SRPK2: variants seen among roughly 807,000 people sequenced by gnomAD.
SRPK2 encodes SRSF protein kinase 2.
In SRPK2, 21 loss-of-function variants were observed where a neutral mutation model predicts 90.8. The observed-to-expected ratio is 0.23, with a 90% CI of 0.16 to 0.33. The LOEUF (loss-of-function observed/expected upper bound fraction) is 0.33. SRPK2 is among the 10% of genes least tolerant of loss of function. The probability of loss-of-function intolerance (pLI) is 1.00; values close to 1 mark genes in which losing one functional copy is unlikely to be tolerated. For synonymous variants in SRPK2, 288 were observed against 311.1 expected, an observed-to-expected ratio of 0.93 and a Z score of 0.78; for missense variants, 620 against 869.0, an observed-to-expected ratio of 0.71 and a Z score of 3.60.
chr7:105,167,964 G>A, intron 5 of SRPK2, 44 bp downstream of exon 5: 1 of 1,462,430 alleles, frequency 6.8e-7, no homozygotes, highest in South Asian at 1.3e-5. Context: ...AAAATTTTAA[G>A]TCATTAAGTT....
intron 2 of SRPK2, among the ~76,000 whole-genome samples, chr7:105,368,313 G>A (rs1395741886): frequency 6.6e-6 from 1 of 152,158 alleles, no homozygotes; most frequent in African/African-American, 2.4e-5. Context: ...AGATGCACAT[G>A]ATAAAACCGT....
chr7:105,176,169 G>C (rs1791815647), intron 3 of SRPK2, among the ~76,000 whole-genome samples: 1 of 152,168 alleles, frequency 6.6e-6, no homozygotes, highest in South Asian at 2.1e-4. Context: ...ACTTGGGTCA[G>C]TATTCAAAAT....
At chr7:105,387,915 G>C (rs573446286) in intron 2 of SRPK2, among the ~76,000 whole-genome samples, 2 of 152,164 alleles carry the variant, frequency 1.3e-5, no homozygotes, top group East Asian at 1.9e-4. Context: ...TGGCCGCCAC[G>C]GGCGCGTTTT....
At chr7:105,360,725 C>T (rs1046126128) in intron 2 of SRPK2, among the ~76,000 whole-genome samples, 2 of 152,098 alleles carry the variant, frequency 1.3e-5, no homozygotes, top group East Asian at 1.9e-4. Flanking sequence ...GGGTTTCTGC[C>T]GAGAGATCCG....
chr7:105,271,717 T>C (rs1008743728), intron 2 of SRPK2, among the ~76,000 whole-genome samples: 17 of 152,204 alleles, frequency 1.1e-4, no homozygotes, highest in African/African-American at 4.1e-4. Context: ...CCTCTACCTC[T>C]TGAGCCATCC....
Position 105,279,299 on chromosome 7 carries a change from T to TTCCAAGGA in SRPK2, c.72-75515_72-75514insTCCTTGGA, listed in dbSNP as rs1362895455. Among the ~76,000 whole-genome samples, 30 of 51,456 alleles carry TTCCAAGGA rather than the reference T, an allele frequency of 5.8e-4. 1 individual carries two copies. The highest frequency in any genetic ancestry group is 1.4e-3 in the Admixed American group (7 of 4,954). The allele number at this position is 51,456 out of a possible 152,430, so 33.8% of individuals were successfully genotyped here. On this transcript the variant is annotated intron_variant, in intron 2 of 15. Transcript: ENST00000393651. The stretch of plus-strand genomic sequence containing the variant: ...AGGCTGGTTAGGTTTCTGATTTAGA[T>TTCCAAGGA]AGCTGCTGCTACTACTTATGAGAAA...
chr7:105,287,273 AAAAAAAAAAAAG>A (rs1343137409), intron 2 of SRPK2, among the ~76,000 whole-genome samples: 13 of 134,922 alleles, frequency 9.6e-5, no homozygotes, highest in African/African-American at 3.7e-4. Flanking sequence ...AAAAAAAAAA[AAAAAAAAAAAAG>A]AAGAAAAGGA....
rs201026064 is a variant in SRPK2, at chr7:105,353,350, G to GT, written c.71+35297dup. Among the ~76,000 whole-genome samples, 469 of 150,856 alleles carry GT rather than the reference G, an allele frequency of 3.1e-3. 4 individuals carry two copies. The highest frequency in any genetic ancestry group is 8.1e-3 in the African/African-American group (335 of 41,120). On this transcript the variant is annotated intron_variant, in intron 2 of 15. Coordinates refer to ENST00000393651, the MANE Select transcript of SRPK2 (RefSeq NM_182692.3). ...CCAGGTAATGGTTTTGTTTTTTTGT[G>GT]TTTTTTTTTGAAACAGTCTCCCTCT... is the stretch of plus-strand genomic sequence containing the variant.
chr7:105,229,809 G>C (rs1261349475), intron 2 of SRPK2, among the ~76,000 whole-genome samples: 1 of 151,950 alleles, frequency 6.6e-6, no homozygotes, highest in Non-Finnish European at 1.5e-5. Context: ...GGCAGTGGGT[G>C]GGGGGGAATG....
At chr7:105,191,449 T>C (rs1794268362) in intron 3 of SRPK2, among the ~76,000 whole-genome samples, 1 of 152,126 alleles carries the variant, frequency 6.6e-6, no homozygotes, top group Admixed American at 6.5e-5. Flanking sequence ...TGCAGACCTG[T>C]AGTCCCAGCT....
At chr7:105,297,834 T>G (rs1234794011) in intron 2 of SRPK2, among the ~76,000 whole-genome samples, 1 of 150,098 alleles carries the variant, frequency 6.7e-6, no homozygotes, top group Non-Finnish European at 1.5e-5. Flanking sequence ...CTCCACCTCC[T>G]GGGTTCAAGC....
intron 2 of SRPK2, among the ~76,000 whole-genome samples, chr7:105,317,259 T>C (rs1416343020): frequency 6.6e-6 from 1 of 152,248 alleles, no homozygotes; most frequent in Non-Finnish European, 1.5e-5. Flanking sequence ...CAAGCTGTAC[T>C]AGCAGTCCTT....
chr7:105,146,461 A>G, intron 8 of SRPK2, 32 bp downstream of exon 8: 1 of 1,610,336 alleles, frequency 6.2e-7, no homozygotes, highest in Non-Finnish European at 8.5e-7. Context: ...CAATGCCCCC[A>G]CACTGAAATG....
At chr7:105,320,712 T>C (rs1422569114) in intron 2 of SRPK2, among the ~76,000 whole-genome samples, 2 of 152,214 alleles carry the variant, frequency 1.3e-5, no homozygotes, top group Non-Finnish European at 2.9e-5. Context: ...AGCTTTTCCT[T>C]TTTTTAACCC....
chr7:105,244,336 G>A (rs1370799304), intron 2 of SRPK2, among the ~76,000 whole-genome samples: 1 of 152,234 alleles, frequency 6.6e-6, no homozygotes, highest in South Asian at 2.1e-4. Flanking sequence ...TTGGGAGGCC[G>A]AGGCTGGTGG....
chr7:105,228,031 A>G (rs747246085), intron 2 of SRPK2, among the ~76,000 whole-genome samples: 4 of 152,196 alleles, frequency 2.6e-5, no homozygotes, highest in Admixed American at 6.5e-5. Flanking sequence ...ATAAATGGTG[A>G]AAACCAATAT....
intron 3 of SRPK2, among the ~76,000 whole-genome samples, chr7:105,203,269 C>T (rs753252782): frequency 5.3e-5 from 8 of 152,158 alleles, no homozygotes; most frequent in Non-Finnish European, 8.8e-5. Context: ...GGATTACAGG[C>T]TTCAGCCACC....
At chr7:105,193,512 G>A (rs1270838933) in intron 3 of SRPK2, among the ~76,000 whole-genome samples, 1 of 152,152 alleles carries the variant, frequency 6.6e-6, no homozygotes, top group Non-Finnish European at 1.5e-5. Context: ...CTTTGACTAT[G>A]CAGACTCTTT....
chr7:105,207,824 G>T (rs80160911), intron 2 of SRPK2, among the ~76,000 whole-genome samples: 2,672 of 152,212 alleles, frequency 0.018, 78 homozygotes, highest in African/African-American at 0.061. Flanking sequence ...TTTAACTTTT[G>T]TACTTCAAAG....
Sources: allele counts gnomAD v4.1 joint callset (sites outside exome capture counted in the v4.1 genomes callset), GRCh38; gene constraint gnomAD v4.1.1; transcripts MANE v1.5; gene names NCBI Gene and HGNC (gene_info 2026-07-23, HGNC 2026-07-21).